Variants in SPAM1 observed in about 807,000 individuals in gnomAD.
SPAM1 encodes sperm adhesion molecule 1, also known as hyaluronidase PH-20.
SPAM1 carries 22 observed loss-of-function variants against 29.6 expected under a neutral mutation model. The observed-to-expected ratio is 0.74, with a 90% CI of 0.53 to 1.06. The LOEUF (loss-of-function observed/expected upper bound fraction) is 1.06, where lower values mean the gene tolerates loss of function less well. Ranked by LOEUF, SPAM1 falls within the 50% of genes least tolerant of loss-of-function variation. The pLI is 0.00. For synonymous variants in SPAM1, 194 were observed against 204.6 expected (o/e 0.95, Z 0.44); for missense variants, 534 against 604.0 (o/e 0.88, Z 1.21).
At chr7:123,954,689 TTAATCTTTAATG>T (rs1042856820) in intron 3 of SPAM1, among the ~76,000 whole-genome samples, 165 bp downstream of exon 3, 5 of 152,052 alleles carry the variant, frequency 3.3e-5, no homozygotes, top group Admixed American at 3.3e-4. Flanking sequence ...AAGAATACGC[TTAATCTTTAATG>T]TAATCTCTTT....
At chr7:123,936,514 C>T (rs2117028644) in intron 1 of SPAM1, among the ~76,000 whole-genome samples, 1 of 152,226 alleles carries the variant, frequency 6.6e-6, no homozygotes, top group South Asian at 2.1e-4. Context: ...TCATGTAGAG[C>T]AGTTAGGGGG....
intron 4 of SPAM1, among the ~76,000 whole-genome samples, chr7:123,957,311 A>G (rs991443109): frequency 6.6e-6 from 1 of 152,006 alleles, no homozygotes; most frequent in African/African-American, 2.4e-5. Flanking sequence ...GATGAAGTCA[A>G]TTGTGTTAAA....
chr7:123,961,528 C>T (rs1164435765), downstream of SPAM1, among the ~76,000 whole-genome samples: 2 of 151,856 alleles, frequency 1.3e-5, no homozygotes, highest in Admixed American at 6.6e-5. Context: ...AGTAGTATTC[C>T]GTTGTGTATA....
rs748725260 is a variant in SPAM1 at position 123,954,256 on chromosome 7, A to G, written c.686A>G (p.Tyr229Cys). ...TTTCCGGATTGTTACAACCATCACT[A>G]TAAGAAACCCGGTTACAATGGAAGT... ...YLFPDCYNHH[Y>C]KKPGYNGSCF... The change falls in exon 3 of 5, where the codon TAT (tyrosine) becomes TGT (cysteine). Residue 229 changes from tyrosine to cysteine, a missense_variant. By Grantham distance (194) the Tyr-to-Cys change is radical. Coordinates refer to ENST00000682466, the MANE Select transcript of SPAM1 (RefSeq NM_153189.3). 11 of 1,612,890 alleles carry G rather than the reference A, an allele frequency of 6.8e-6. No homozygotes were observed. Among genetic ancestry groups the G allele is most frequent in the Admixed American group, 1.7e-5 (1 of 59,744 alleles).
chr7:123,937,507 A>G (rs975787266), intron 1 of SPAM1, among the ~76,000 whole-genome samples: 4 of 148,504 alleles, frequency 2.7e-5, no homozygotes, highest in East Asian at 4.1e-4. Flanking sequence ...AGGCTGAGGC[A>G]GGAGAATGGA....
chr7:123,965,775 G>C (rs187822620), intron 5 of SPAM1, among the ~76,000 whole-genome samples: 1 of 151,996 alleles, frequency 6.6e-6, no homozygotes, highest in Non-Finnish European at 1.5e-5. Flanking sequence ...GGATTGTCTT[G>C]CCTGTTTGGG....
intron 1 of SPAM1, among the ~76,000 whole-genome samples, chr7:123,936,617 T>C (rs187000433): frequency 6.6e-6 from 1 of 152,348 alleles, no homozygotes; most frequent in Non-Finnish European, 1.5e-5. Context: ...TAATGTTTAA[T>C]GCTGAGTGTG....
intron 1 of SPAM1, among the ~76,000 whole-genome samples, chr7:123,940,805 T>C (rs1808405854): frequency 1.3e-5 from 2 of 152,208 alleles, no homozygotes; most frequent in Non-Finnish European, 1.5e-5. Context: ...GAACCTATAA[T>C]GCATTTTTAA....
intron 2 of SPAM1, 117 bp from the exon 3 acceptor site, chr7:123,953,248 T>A (rs1792155012): frequency 8.6e-6 from 2 of 233,158 alleles, no homozygotes; most frequent in African/African-American, 4.5e-5. Context: ...CAGGAGTAGA[T>A]CCTCCATCTT....
rs990663927 is a variant in SPAM1 at position 123,937,567 on chromosome 7, C to T, written c.-319+12215C>T. ...AGTGAGCCGAGATCGCGCCACTGCA[C>T]TCCAGCCTGGGCAACAGAGACTCCA... On this transcript the variant is annotated intron_variant, in intron 1 of 4. Coordinates refer to ENST00000682466, the MANE Select transcript of SPAM1 (RefSeq NM_153189.3). 8.5e-4 allele frequency among the ~76,000 whole-genome samples: 118 copies of T among 138,742 alleles called. 2 individuals are homozygous for T. Among genetic ancestry groups the T allele is most frequent in the East Asian group, 4.5e-4 (2 of 4,494 alleles). The allele number at this position is 138,742 out of a possible 152,430, so 91.0% of individuals were successfully genotyped here.
At chr7:123,954,953 T>C in intron 3 of SPAM1, 44 bp from the exon 4 acceptor site, 1 of 1,371,532 alleles carries the variant, frequency 7.3e-7, no homozygotes, top group Non-Finnish European at 1.0e-6. Flanking sequence ...TATAGCACTT[T>C]CATTTCATTT....
chr7:123,952,938 G>T (rs1792148903), intron 2 of SPAM1, among the ~76,000 whole-genome samples: 1 of 150,608 alleles, frequency 6.6e-6, no homozygotes, highest in Non-Finnish European at 1.5e-5. Flanking sequence ...GAAAGAAAGA[G>T]AAAAATGAAA....
chr7:123,950,214 T>C (rs932115152), intron 2 of SPAM1, among the ~76,000 whole-genome samples: 4 of 152,116 alleles, frequency 2.6e-5, no homozygotes, highest in Non-Finnish European at 5.9e-5. Flanking sequence ...AGGGTACCTA[T>C]GTATTTATTT....
At chr7:123,947,531 C>T (rs1205675960) in intron 1 of SPAM1, among the ~76,000 whole-genome samples, 2 of 151,356 alleles carry the variant, frequency 1.3e-5, no homozygotes, top group Non-Finnish European at 2.9e-5. Context: ...GCCTAGGCAA[C>T]AGACTGAGAT....
chr7:123,945,659 G>T (rs1584954141), intron 1 of SPAM1, among the ~76,000 whole-genome samples: 1 of 152,134 alleles, frequency 6.6e-6, no homozygotes, highest in African/African-American at 2.4e-5. Flanking sequence ...GTTCTTTAGG[G>T]GGTTTGAGTC....
At chr7:123,962,691 T>C (rs931123422), downstream of SPAM1, among the ~76,000 whole-genome samples, 2 of 151,936 alleles carry the variant, frequency 1.3e-5, no homozygotes, top group South Asian at 2.1e-4. Context: ...GTAAAATTTT[T>C]TTTTATTCTA....
chr7:123,959,421 A>G (rs903271393), intron 4 of SPAM1, 63 bp from the exon 5 acceptor site: 3 of 1,222,210 alleles, frequency 2.5e-6, no homozygotes, highest in Non-Finnish European at 3.4e-6. Flanking sequence ...AATACACTAA[A>G]TTAATTCGCA....
chr7:123,948,304 G>C (rs1453570669), intron 1 of SPAM1, among the ~76,000 whole-genome samples: 2 of 152,086 alleles, frequency 1.3e-5, no homozygotes, highest in Non-Finnish European at 1.5e-5. Flanking sequence ...TCAGCCTTTG[G>C]GTTGGACTTA....
intron 4 of SPAM1, among the ~76,000 whole-genome samples, chr7:123,957,906 T>C (rs1445676195): frequency 6.6e-6 from 1 of 152,010 alleles, no homozygotes; most frequent in Non-Finnish European, 1.5e-5. Flanking sequence ...TTTGAATCTC[T>C]CCTTCCTTCA....
Sources: allele counts gnomAD v4.1 joint callset (sites outside exome capture counted in the v4.1 genomes callset), GRCh38; gene constraint gnomAD v4.1.1; transcripts MANE v1.5; gene names NCBI Gene and HGNC (gene_info 2026-07-23, HGNC 2026-07-21).